AUTS2: variants seen among roughly 807,000 people sequenced by gnomAD.
The protein encoded by AUTS2 is activator of transcription and developmental regulator AUTS2, also known as autism susceptibility gene 2 protein.
AUTS2 carries 17 observed loss-of-function variants against 112.4 expected under a neutral mutation model. The observed-to-expected ratio is 0.15, with a 90% CI of 0.10 to 0.23. The LOEUF is 0.23. AUTS2 is among the 10% of genes least tolerant of loss of function. AUTS2 has a pLI of 1.00. For synonymous variants in AUTS2, 751 were observed against 702.7 expected (o/e 1.07, Z -1.09); for missense variants, 1,510 against 1,701.6 (o/e 0.89, Z 1.98).
chr7:70,736,662 C>G (rs1487801961), intron 6 of AUTS2, among the ~76,000 whole-genome samples: 1 of 152,140 alleles, frequency 6.6e-6, no homozygotes, highest in Non-Finnish European at 1.5e-5. Context: ...AGCTGAAAGA[C>G]TCAGTTCCTG....
At chr7:70,503,448 C>T (rs931347462) in intron 5 of AUTS2, among the ~76,000 whole-genome samples, 3 of 151,764 alleles carry the variant, frequency 2.0e-5, no homozygotes, top group Non-Finnish European at 2.9e-5. Context: ...TACCTGTAAT[C>T]CCAGCTACTT....
intron 2 of AUTS2, among the ~76,000 whole-genome samples, chr7:69,920,697 T>C: frequency 6.6e-6 from 1 of 152,328 alleles, no homozygotes; most frequent in East Asian, 1.9e-4. Context: ...ATTGATAAGA[T>C]ACAGTATTTT....
At chr7:69,779,478 T>C (rs1177211432) in intron 1 of AUTS2, among the ~76,000 whole-genome samples, 1 of 151,762 alleles carries the variant, frequency 6.6e-6, no homozygotes, top group Non-Finnish European at 1.5e-5. Context: ...AATATATAGA[T>C]AGAAGCCAGG....
At chr7:70,224,326 G>GTACAA (rs1811640677) in intron 4 of AUTS2, among the ~76,000 whole-genome samples, 1 of 112,002 alleles carries the variant, frequency 8.9e-6, no homozygotes, top group Non-Finnish European at 1.8e-5. Context: ...ATACAATACA[G>GTACAA]TACAGTACAA....
chr7:70,587,129 T>C (rs1802723691), intron 5 of AUTS2, among the ~76,000 whole-genome samples: 2 of 152,106 alleles, frequency 1.3e-5, no homozygotes, highest in Admixed American at 1.3e-4. Context: ...CAGGCTGGAG[T>C]GCAGTGATGC....
chr7:70,068,647 C>T (rs993485773), intron 2 of AUTS2, among the ~76,000 whole-genome samples: 5 of 152,190 alleles, frequency 3.3e-5, no homozygotes, highest in African/African-American at 2.4e-5. Context: ...CCTGATACTT[C>T]GAGTGCAATT....
intron 4 of AUTS2, among the ~76,000 whole-genome samples, chr7:70,428,551 A>G (rs1022917894): frequency 5.9e-5 from 9 of 152,230 alleles, no homozygotes; most frequent in African/African-American, 1.9e-4. Flanking sequence ...AAGTTAAATT[A>G]TACTTGATGT....
In AUTS2 at chr7:70,147,000, C is replaced by T. The variant is rs141262753; in HGVS notation, c.660+12429C>T. On this transcript the variant is annotated intron_variant, in intron 4 of 18. Transcript: ENST00000342771. ...GGACTATCAAAAGAGATGTCAAAACCATCTATTTATTCTCATTTTTGGATA... is the reference window on the plus strand; with the variant it reads ...GGACTATCAAAAGAGATGTCAAAACTATCTATTTATTCTCATTTTTGGATA... 2.9e-3 allele frequency among the ~76,000 whole-genome samples: 435 copies of T among 151,920 alleles called. 1 individual carries two copies. The highest frequency in any genetic ancestry group is 9.6e-3 in the African/African-American group (400 of 41,466).
At chr7:70,040,233 G>T (rs566365334) in intron 2 of AUTS2, among the ~76,000 whole-genome samples, 18 of 152,274 alleles carry the variant, frequency 1.2e-4, no homozygotes, top group Middle Eastern at 3.4e-3. Context: ...TGTCAGTCTA[G>T]ACTCATCCAT....
chr7:69,923,727 G>GT (rs1414833105), intron 2 of AUTS2, among the ~76,000 whole-genome samples: 1 of 152,142 alleles, frequency 6.6e-6, no homozygotes, highest in Non-Finnish European at 1.5e-5. Flanking sequence ...AAATGGTGGT[G>GT]TTTTTTAACT....
intron 1 of AUTS2, among the ~76,000 whole-genome samples, chr7:69,721,866 G>C (rs765288842): frequency 6.6e-6 from 1 of 152,166 alleles, no homozygotes; most frequent in Non-Finnish European, 1.5e-5. Context: ...GAGTGATTTT[G>C]ATTTGGCTGC....
At chr7:70,255,207 G>A (rs544286798) in intron 4 of AUTS2, among the ~76,000 whole-genome samples, 108 of 151,892 alleles carry the variant, frequency 7.1e-4, no homozygotes, top group African/African-American at 2.5e-3. Context: ...CCGAGTAGTG[G>A]GGATTACAGG....
At chr7:70,410,584 C>T (rs117914073) in intron 4 of AUTS2, among the ~76,000 whole-genome samples, 11,073 of 151,704 alleles carry the variant, frequency 0.073, 479 homozygotes, top group Middle Eastern at 0.14. Context: ...CCACCACACC[C>T]GGCTAATTTT....
intron 5 of AUTS2, among the ~76,000 whole-genome samples, chr7:70,544,893 G>A (rs889739707): frequency 6.6e-6 from 1 of 152,062 alleles, no homozygotes; most frequent in Non-Finnish European, 1.5e-5. Flanking sequence ...TTGTTTCCAG[G>A]TATGCTGTGT....
At chr7:70,261,104 G>C (rs1245789530) in intron 4 of AUTS2, among the ~76,000 whole-genome samples, 5 of 152,092 alleles carry the variant, frequency 3.3e-5, no homozygotes, top group Admixed American at 3.3e-4. Context: ...ACATTACTAG[G>C]TGAAAATTAC....
At chr7:70,579,708 T>C (rs1411876901) in intron 5 of AUTS2, among the ~76,000 whole-genome samples, 1 of 152,240 alleles carries the variant, frequency 6.6e-6, no homozygotes, top group African/African-American at 2.4e-5. Flanking sequence ...CTATTTAATG[T>C]GATGGAATTC....
intron 4 of AUTS2, among the ~76,000 whole-genome samples, chr7:70,196,660 A>G (rs1810190315): frequency 1.3e-5 from 2 of 152,244 alleles, no homozygotes; most frequent in Non-Finnish European, 2.9e-5. Context: ...GTTCTTAAAT[A>G]AAACATTATT....
At chr7:69,960,106 T>C (rs552367645) in intron 2 of AUTS2, among the ~76,000 whole-genome samples, 19 of 152,212 alleles carry the variant, frequency 1.2e-4, no homozygotes, top group Non-Finnish European at 2.2e-4. Context: ...CTGCATTTTC[T>C]CTTTTCAACT....
chr7:70,461,167 A>T (rs982372489), intron 5 of AUTS2, among the ~76,000 whole-genome samples: 4 of 151,996 alleles, frequency 2.6e-5, no homozygotes, highest in African/African-American at 7.3e-5. Context: ...TGGAAAAGTC[A>T]CCCTGAACAA....
Sources: gnomAD v4.1 joint callset for allele counts (sites outside exome capture counted in the v4.1 genomes callset) on GRCh38, gnomAD v4.1.1 for gene constraint, MANE v1.5 for transcripts, NCBI Gene and HGNC (gene_info 2026-07-23, HGNC 2026-07-21) for gene names.